COLEC10: variants seen among roughly 807,000 people sequenced by gnomAD.
COLEC10 encodes collectin subfamily member 10.
In COLEC10, 22 loss-of-function variants were observed where a neutral mutation model predicts 28.4. That is an observed-to-expected ratio of 0.78 (90% CI 0.55 to 1.11). The LOEUF is 1.11. Ranked by LOEUF, COLEC10 falls within the 50% of genes least tolerant of loss-of-function variation. The pLI is 0.00. For missense variants in COLEC10, 361 were observed against 344.1 expected (o/e 1.05, Z -0.39); for synonymous variants, 125 against 116.1 (o/e 1.08, Z -0.49).
intron 1 of COLEC10, chr8:119,068,560 G>GCATTTAGAT (rs1296262217): frequency 6.6e-6 from 1 of 152,138 alleles, no homozygotes; most frequent in South Asian, 2.1e-4. Flanking sequence ...TATTCCTGGG[G>GCATTTAGAT]TGTCATGGGG....
chr8:119,003,575 C>A (rs1813737961), intron 1 of COLEC10, among the ~76,000 whole-genome samples: 1 of 151,960 alleles, frequency 6.6e-6, no homozygotes, highest in South Asian at 2.1e-4. Flanking sequence ...GTAGTTCAAG[C>A]ATTTGATTGG....
At chr8:119,042,557 C>T (rs1056993435) in intron 2 of COLEC10, among the ~76,000 whole-genome samples, 14 of 152,234 alleles carry the variant, frequency 9.2e-5, no homozygotes, top group African/African-American at 3.4e-4. Flanking sequence ...ATTAATTCCT[C>T]ATCTGTGAAA....
chr8:118,953,670 A>C, the COLEC10 span, among the ~76,000 whole-genome samples: 64,941 of 152,006 alleles, frequency 0.43, 14,243 homozygotes, highest in Middle Eastern at 0.55. Context: ...AAATGATGGT[A>C]ATCACTAATT....
chr8:119,090,043 G>T (rs1815557925), intron 2 of COLEC10, among the ~76,000 whole-genome samples: 1 of 152,142 alleles, frequency 6.6e-6, no homozygotes, highest in Admixed American at 6.6e-5. Flanking sequence ...GTGTTATAGT[G>T]CTGTGTTCAT....
At chr8:119,055,371 A>G (rs1268322536) in intron 2 of COLEC10, among the ~76,000 whole-genome samples, 5 of 152,066 alleles carry the variant, frequency 3.3e-5, no homozygotes, top group Non-Finnish European at 7.4e-5. Flanking sequence ...GCTCTTTAGT[A>G]ACTCAATCTT....
chr8:118,972,269 G>T, the COLEC10 span, among the ~76,000 whole-genome samples: 64 of 152,056 alleles, frequency 4.2e-4, no homozygotes, highest in African/African-American at 1.5e-3. Flanking sequence ...CAGAGACCCT[G>T]AGCAATGGAA....
intron 2 of COLEC10, among the ~76,000 whole-genome samples, chr8:119,023,214 A>G (rs1005911528): frequency 5.9e-5 from 9 of 152,054 alleles, no homozygotes; most frequent in Non-Finnish European, 1.2e-4. Context: ...TCACTGTTTT[A>G]TATTCCACAA....
At chr8:119,029,130 A>G (rs73709527) in intron 2 of COLEC10, among the ~76,000 whole-genome samples, 2,618 of 152,256 alleles carry the variant, frequency 0.017, 90 homozygotes, top group African/African-American at 0.06. Flanking sequence ...ACAGTGGTTC[A>G]GAGCACAGGG....
intron 1 of COLEC10, among the ~76,000 whole-genome samples, chr8:118,997,348 G>A (rs1042876594): frequency 6.6e-6 from 1 of 152,068 alleles, no homozygotes; most frequent in Non-Finnish European, 1.5e-5. Flanking sequence ...TTTGTTACCT[G>A]TGCTTTTGAT....
At chr8:119,094,757 A>C (rs1022326138) in intron 3 of COLEC10, among the ~76,000 whole-genome samples, 2 of 152,218 alleles carry the variant, frequency 1.3e-5, no homozygotes, top group African/African-American at 4.8e-5. Flanking sequence ...TTAGAACTCC[A>C]GAAATACTAC....
rs1456916192 is a variant in COLEC10 at position 119,106,235 on chromosome 8, T to G, written c.*44T>G. On this transcript the variant is annotated 3_prime_UTR_variant, in exon 6 of 6. Transcript: ENST00000332843. Reference sequence around the variant, plus strand: ...TTTGCTATTTTCCTGTGACCGTCATTACAGTTATTGTTATCCATCCTTTTT... The same window carrying G: ...TTTGCTATTTTCCTGTGACCGTCATGACAGTTATTGTTATCCATCCTTTTT... 11 of 1,546,930 alleles carry G rather than the reference T, an allele frequency of 7.1e-6. No individual in the cohort carries two copies. The highest frequency in any genetic ancestry group is 9.6e-6 in the Non-Finnish European group (11 of 1,141,188).
At chr8:119,083,669 C>T (rs1587051293) in intron 1 of COLEC10, among the ~76,000 whole-genome samples, 1 of 151,592 alleles carries the variant, frequency 6.6e-6, no homozygotes, top group Admixed American at 6.6e-5. Flanking sequence ...CCCCATTTTC[C>T]CGGATAGGAA....
the COLEC10 span, among the ~76,000 whole-genome samples, chr8:118,955,510 C>A: frequency 6.6e-6 from 1 of 152,172 alleles, no homozygotes; most frequent in Non-Finnish European, 1.5e-5. Context: ...CATTGCTAGC[C>A]ATTCATTACC....
At position 119,087,878 on chromosome 8, in the gene COLEC10, AT is replaced by A. The variant is rs925205454; in HGVS notation, c.149-1793del. Among the ~76,000 whole-genome samples, 19 of 150,950 alleles carry A rather than the reference AT, an allele frequency of 1.3e-4. No homozygotes were observed. In the South Asian group the frequency reaches 2.5e-3, roughly 20 times the overall value. ...GCAAGCAACTTAACCACATAGTCTCATTTTTTTTTCATTCATGAAATAGAGC... is the reference window on the plus strand; with the variant it reads ...GCAAGCAACTTAACCACATAGTCTCATTTTTTTTCATTCATGAAATAGAGC... On this transcript the variant is annotated intron_variant, in intron 1 of 5. Coordinates refer to ENST00000332843, the MANE Select transcript of COLEC10 (RefSeq NM_006438.5).
At chr8:119,051,382 C>T (rs539171484) in intron 2 of COLEC10, among the ~76,000 whole-genome samples, 6 of 152,170 alleles carry the variant, frequency 3.9e-5, no homozygotes, top group Non-Finnish European at 8.8e-5. Context: ...AATCTTTTAA[C>T]CTTCCTGAGC....
At chr8:119,026,630 A>G (rs1814196636) in intron 2 of COLEC10, among the ~76,000 whole-genome samples, 2 of 152,190 alleles carry the variant, frequency 1.3e-5, no homozygotes. Flanking sequence ...TGGGATTCTC[A>G]GAGAACAGAC....
At chr8:119,067,597 T>C in intron 1 of COLEC10, 168 bp downstream of exon 1, 1 of 608,338 alleles carries the variant, frequency 1.6e-6, no homozygotes, top group South Asian at 2.3e-5. Flanking sequence ...CTGTTACTTA[T>C]TTAAAGCTCT....
intron 2 of COLEC10, among the ~76,000 whole-genome samples, chr8:119,027,767 T>C (rs768445035): frequency 2.0e-5 from 3 of 152,176 alleles, no homozygotes; most frequent in Non-Finnish European, 4.4e-5. Flanking sequence ...TTGAGTGCAC[T>C]AACACCTTCA....
rs1586989070 is a variant in COLEC10, at chr8:118,998,221, A to G, written n.122+2648A>G. On this transcript the variant is annotated intron_variant and non_coding_transcript_variant, in intron 1 of 6. Transcript: ENST00000521788. ...TAAAATTGGTGTGAATTTAGAAGAA[A>G]GAAGTTAAATTTGCCTTTTACCCAT... is the stretch of plus-strand genomic sequence containing the variant. Among the ~76,000 whole-genome samples, 4 of 152,346 alleles carry G rather than the reference A, an allele frequency of 2.6e-5. 1 individual carries two copies. The highest frequency in any genetic ancestry group is 9.6e-5 in the African/African-American group (4 of 41,578).
Sources: allele counts gnomAD v4.1 joint callset (sites outside exome capture counted in the v4.1 genomes callset), GRCh38; gene constraint gnomAD v4.1.1; transcripts MANE v1.5; gene names NCBI Gene and HGNC (gene_info 2026-07-23, HGNC 2026-07-21).